Variants in GRAMD1B observed in about 807,000 individuals in gnomAD.
GRAMD1B encodes protein Aster-B.
A neutral mutation model predicts 99.7 loss-of-function variants in GRAMD1B; 37 were observed. The ratio of observed to expected loss-of-function variants is 0.37; its 90% CI spans 0.29 to 0.49. The LOEUF (loss-of-function observed/expected upper bound fraction) is 0.49, where lower values mean the gene tolerates loss of function less well. Among genes scored for constraint, GRAMD1B ranks in the 20% least tolerant of loss-of-function variants. The pLI, the probability that GRAMD1B is intolerant of heterozygous loss-of-function variation, is 0.98. For synonymous variants in GRAMD1B, 427 were observed against 387.6 expected (o/e 1.10, Z -1.19); for missense variants, 888 against 1,009.2 (o/e 0.88, Z 1.63).
At position 123,622,487 on chromosome 11, in the gene GRAMD1B, G is replaced by A. The variant is rs142458895; in HGVS notation, c.2545-19G>A. 10 of 1,481,164 alleles carry A rather than the reference G, an allele frequency of 6.8e-6. No homozygotes were observed. The highest frequency in any genetic ancestry group is 9.2e-6 in the Non-Finnish European group (10 of 1,082,514). The allele number at this position is 1,481,164 out of a possible 1,614,324, so 91.8% of individuals were successfully genotyped here. A position where few individuals can be genotyped will look rare whatever the true frequency, so the allele number is the denominator to read the frequency against. On this transcript the variant is annotated intron_variant, in intron 19 of 19. Coordinates refer to ENST00000635736, the MANE Select transcript of GRAMD1B (RefSeq NM_001387025.1). ...AAAAGCGCAGACCCAGGCCTGGGGT[G>A]GGGTTTTCTGTCTTGCAGATGAAGG...
chr11:123,408,118 T>C (rs974673620), intron 1 of GRAMD1B, among the ~76,000 whole-genome samples: 7 of 152,256 alleles, frequency 4.6e-5, no homozygotes, highest in African/African-American at 1.7e-4. Flanking sequence ...TGGGGCTGAC[T>C]GTGTAGCCTA....
chr11:123,400,063 T>C (rs1947605722), intron 1 of GRAMD1B, among the ~76,000 whole-genome samples: 1 of 152,238 alleles, frequency 6.6e-6, no homozygotes, highest in Admixed American at 6.5e-5. Context: ...ATTTGGTGTT[T>C]TGCTATTGAG....
chr11:123,449,277 T>A (rs1338447113), intron 1 of GRAMD1B, among the ~76,000 whole-genome samples: 1 of 152,224 alleles, frequency 6.6e-6, no homozygotes, highest in African/African-American at 2.4e-5. Context: ...TCAGTGTTTG[T>A]TTTATTCAGT....
chr11:123,420,863 T>A (rs1948408807), intron 1 of GRAMD1B, among the ~76,000 whole-genome samples: 1 of 152,228 alleles, frequency 6.6e-6, no homozygotes, highest in Non-Finnish European at 1.5e-5. Context: ...AAATAACACT[T>A]ACCTCACAGG....
intron 1 of GRAMD1B, among the ~76,000 whole-genome samples, chr11:123,401,351 G>A (rs1379284675): frequency 1.3e-5 from 2 of 152,232 alleles, no homozygotes; most frequent in Non-Finnish European, 2.9e-5. Flanking sequence ...TGTGCTCCCA[G>A]GTGTCACAGC....
intron 2 of GRAMD1B, among the ~76,000 whole-genome samples, chr11:123,486,427 T>A (rs1010819849): frequency 6.6e-6 from 1 of 151,964 alleles, no homozygotes; most frequent in African/African-American, 2.4e-5. Flanking sequence ...CATGCGCCTG[T>A]GGTCCCAGCT....
At chr11:123,548,752 CAT>C (rs1480847846) in intron 2 of GRAMD1B, among the ~76,000 whole-genome samples, 4 of 152,130 alleles carry the variant, frequency 2.6e-5, no homozygotes, top group African/African-American at 9.7e-5. Context: ...GAACCTCAAA[CAT>C]GTGTCACCAC....
chr11:123,481,560 C>T (rs1278088917), intron 2 of GRAMD1B, among the ~76,000 whole-genome samples: 1 of 152,170 alleles, frequency 6.6e-6, no homozygotes, highest in African/African-American at 2.4e-5. Context: ...CATTTTGTGC[C>T]TGAGGAAGCT....
chr11:123,496,681 G>A (rs1939323308), intron 2 of GRAMD1B, among the ~76,000 whole-genome samples: 1 of 151,144 alleles, frequency 6.6e-6, no homozygotes, highest in Non-Finnish European at 1.5e-5. Flanking sequence ...ATTTCATATA[G>A]TCTGTCTTCT....
chr11:123,505,359 C>T (rs766477683), intron 2 of GRAMD1B, among the ~76,000 whole-genome samples: 25 of 152,104 alleles, frequency 1.6e-4, no homozygotes, highest in Non-Finnish European at 2.1e-4. Flanking sequence ...TCACCTAAAA[C>T]AGCAGGTGGG....
At chr11:123,482,361 G>C (rs973341006) in intron 2 of GRAMD1B, among the ~76,000 whole-genome samples, 1 of 152,154 alleles carries the variant, frequency 6.6e-6, no homozygotes, top group Non-Finnish European at 1.5e-5. Flanking sequence ...AGCCCTCAAA[G>C]TGCTGGGATT....
chr11:123,400,689 T>C (rs1431641583), intron 1 of GRAMD1B, among the ~76,000 whole-genome samples: 1 of 152,120 alleles, frequency 6.6e-6, no homozygotes, highest in African/African-American at 2.4e-5. Flanking sequence ...TCCACCCTCA[T>C]GACCTAACCT....
At chr11:123,554,056 G>A (rs1169836967) in intron 2 of GRAMD1B, among the ~76,000 whole-genome samples, 1 of 152,184 alleles carries the variant, frequency 6.6e-6, no homozygotes, top group Admixed American at 6.5e-5. Context: ...CCAGTTGTTT[G>A]GGGCAGCACT....
At chr11:123,554,857 A>G (rs1946009618) in intron 2 of GRAMD1B, among the ~76,000 whole-genome samples, 1 of 152,218 alleles carries the variant, frequency 6.6e-6, no homozygotes, top group Admixed American at 6.5e-5. Flanking sequence ...CAAACTTCTA[A>G]GAAGGCTCCC....
intron 2 of GRAMD1B, among the ~76,000 whole-genome samples, chr11:123,565,815 G>A (rs1205731983): frequency 6.6e-6 from 1 of 152,182 alleles, no homozygotes; most frequent in African/African-American, 2.4e-5. Flanking sequence ...GAACCCAGCA[G>A]GACTGTCCCC....
Position 123,610,217 on chromosome 11 carries a change from G to A in GRAMD1B, c.1798G>A (p.Glu600Lys), listed in dbSNP as rs1953352600. The A allele has an allele frequency of 6.2e-7, 1 of 1,613,820 alleles. No individual in the cohort carries two copies. Among genetic ancestry groups the A allele is most frequent in the Admixed American group, 1.7e-5 (1 of 60,012 alleles). The change falls in exon 14 of 20, where the codon GAG (glutamate) becomes AAG (lysine). Residue 600 changes from glutamate to lysine, a missense_variant. This residue lies in a region of GRAMD1B where 92 missense variants were observed against 156.9 expected (regional missense o/e 0.59). Transcript: ENST00000635736. This position sits in a 1 kb window ranked among gnomAD's most constrained non-coding sequence, Gnocchi z 4.1. Reference protein sequence around the residue: ...ETQTMYKASQESECYVIDAEV... With the variant: ...ETQTMYKASQKSECYVIDAEV... Reference sequence around the variant, plus strand: ...GCAGACCATGTACAAGGCGAGCCAGGAGAGTGAATGTTACGTGATAGATGC... The same window carrying A: ...GCAGACCATGTACAAGGCGAGCCAGAAGAGTGAATGTTACGTGATAGATGC...
At chr11:123,620,215 T>C (rs1355919731) in intron 19 of GRAMD1B, among the ~76,000 whole-genome samples, 2 of 152,188 alleles carry the variant, frequency 1.3e-5, no homozygotes, top group African/African-American at 4.8e-5. Context: ...GGGTCACGCC[T>C]ATAATCCCAG....
In GRAMD1B at chr11:123,609,842, C is replaced by T; in HGVS notation, c.1705C>T (p.Arg569Ter). 6.2e-7 allele frequency: 1 copy of T among 1,604,506 alleles called. No homozygotes were observed. Among genetic ancestry groups the T allele is most frequent in the Non-Finnish European group, 8.5e-7 (1 of 1,175,180 alleles). ...WKKEENGNQS[R>*]VILYTITLTN... ...AAAGGAGGAGAATGGAAACCAGAGC[C>T]GAGTGATTCTTTACACCATCACCCT... Residue 569 changes from arginine (R) to a stop codon, truncating the protein, a stop_gained, in exon 13 of 20, where the codon CGA (arginine) becomes TGA (stop). Coordinates refer to ENST00000635736, the MANE Select transcript of GRAMD1B (RefSeq NM_001387025.1). LOFTEE classifies it high-confidence loss of function.
At chr11:123,586,940 G>A (rs1288769679) in intron 4 of GRAMD1B, among the ~76,000 whole-genome samples, 3 of 152,324 alleles carry the variant, frequency 2.0e-5, no homozygotes, top group South Asian at 2.1e-4. Context: ...GCATTGTAAC[G>A]CCCAGCCCTG....
Sources: gnomAD v4.1 joint callset for allele counts (sites outside exome capture counted in the v4.1 genomes callset) on GRCh38, gnomAD v4.1.1 for gene constraint, gnomAD v4.1.1 regional missense constraint, Gnocchi (gnomAD v3.1) non-coding constraint, MANE v1.5 for transcripts, NCBI Gene and HGNC (gene_info 2026-07-23, HGNC 2026-07-21) for gene names.